ANKS1B: variants seen among roughly 807,000 people sequenced by gnomAD.
ANKS1B encodes the protein ankyrin repeat and sterile alpha motif domain-containing protein 1B.
Under a neutral mutation model 148.3 loss-of-function variants are expected in ANKS1B, and 36 were observed. The observed-to-expected ratio is 0.24, with a 90% CI of 0.19 to 0.32. ANKS1B has a LOEUF of 0.32. Ranked by LOEUF, ANKS1B falls within the 10% of genes least tolerant of loss-of-function variation. The pLI, the probability that ANKS1B is intolerant of heterozygous loss-of-function variation, is 1.00. For synonymous variants in ANKS1B, 542 were observed against 560.8 expected, an observed-to-expected ratio of 0.97 and a Z score of 0.47; for missense variants, 1,157 against 1,542.6, an observed-to-expected ratio of 0.75 and a Z score of 4.19.
At chr12:99,713,170 T>C (rs757983443) in intron 8 of ANKS1B, among the ~76,000 whole-genome samples, 7 of 152,308 alleles carry the variant, frequency 4.6e-5, no homozygotes, top group Admixed American at 1.3e-4. Context: ...CTGGCTCCTA[T>C]TGAGATCTGT....
At chr12:98,911,292 C>T (rs2099786536) in intron 17 of ANKS1B, among the ~76,000 whole-genome samples, 1 of 152,106 alleles carries the variant, frequency 6.6e-6, no homozygotes, top group African/African-American at 2.4e-5. Context: ...GATGATGAAA[C>T]TGAGCTAATT....
At chr12:98,856,644 T>C (rs1169133331) in intron 17 of ANKS1B, among the ~76,000 whole-genome samples, 1 of 152,212 alleles carries the variant, frequency 6.6e-6, no homozygotes, top group Admixed American at 6.5e-5. Context: ...TCAGTGTTTG[T>C]CTGTCTCTTC....
At chr12:98,971,850 C>G (rs2099883398) in intron 17 of ANKS1B, among the ~76,000 whole-genome samples, 1 of 152,116 alleles carries the variant, frequency 6.6e-6, no homozygotes, top group Non-Finnish European at 1.5e-5. Context: ...AGAGAGGACC[C>G]TTGCCTGGTT....
At chr12:99,651,150 C>A (rs927085838) in intron 9 of ANKS1B, among the ~76,000 whole-genome samples, 2 of 152,172 alleles carry the variant, frequency 1.3e-5, no homozygotes, top group East Asian at 1.9e-4. Flanking sequence ...TGTAAGGAAG[C>A]AGTTTACCAG....
intron 12 of ANKS1B, among the ~76,000 whole-genome samples, chr12:99,373,679 G>A (rs970478757): frequency 2.0e-5 from 3 of 151,270 alleles, no homozygotes; most frequent in African/African-American, 4.9e-5. Flanking sequence ...TTGAATACTT[G>A]TTTCATTTTT....
Position 98,744,808 on chromosome 12 carries a change from T to TAAC in ANKS1B, c.*928_*930dup, listed in dbSNP as rs2097847167. On this transcript the variant is annotated 3_prime_UTR_variant, in exon 27 of 27. Coordinates refer to ENST00000683438, the MANE Select transcript of ANKS1B (RefSeq NM_001352186.2). ...CAGGAGCACTAGATTTTTTTTTTTT[T>TAAC]AACATGTTCTTTAAAACACTGTGAA... 1 of 984,588 alleles carries TAAC rather than the reference T, an allele frequency of 1.0e-6. No individual in the cohort carries two copies. Among genetic ancestry groups the TAAC allele is most frequent in the Non-Finnish European group, 1.2e-6 (1 of 829,368 alleles). 61.0% of individuals were successfully genotyped at this position (984,588 alleles called of 1,614,324 possible). A position where few individuals can be genotyped will look rare whatever the true frequency, so the allele number is the denominator to read the frequency against.
At chr12:99,703,023 T>C (rs7967571) in intron 8 of ANKS1B, among the ~76,000 whole-genome samples, 122 of 152,212 alleles carry the variant, frequency 8.0e-4, no homozygotes, top group African/African-American at 2.9e-3. Flanking sequence ...ATTTTTGCAA[T>C]TTAGATTTCA....
At chr12:99,221,943 A>G (rs2085192778) in intron 14 of ANKS1B, among the ~76,000 whole-genome samples, 1 of 152,170 alleles carries the variant, frequency 6.6e-6, no homozygotes. Context: ...TAAATAAATT[A>G]AGGTATATTA....
intron 15 of ANKS1B, among the ~76,000 whole-genome samples, chr12:99,117,891 T>C (rs1212169047): frequency 6.6e-6 from 1 of 152,232 alleles, no homozygotes; most frequent in Non-Finnish European, 1.5e-5. Context: ...TATTGGTCTA[T>C]TCAGGGATTC....
intron 1 of ANKS1B, among the ~76,000 whole-genome samples, chr12:99,830,960 C>T (rs1419017778): frequency 6.6e-6 from 1 of 152,126 alleles, no homozygotes; most frequent in Non-Finnish European, 1.5e-5. Flanking sequence ...TCTTCGGAAA[C>T]TCTCTCCCTA....
intron 8 of ANKS1B, among the ~76,000 whole-genome samples, chr12:99,747,316 G>C (rs146874930): frequency 6.7e-4 from 102 of 152,096 alleles, no homozygotes; most frequent in South Asian, 5.8e-3. Flanking sequence ...TTGCAGAAGA[G>C]AGTGATCCCT....
intron 1 of ANKS1B, among the ~76,000 whole-genome samples, chr12:99,939,282 ATC>A (rs1277602340): frequency 1.3e-5 from 2 of 151,948 alleles, no homozygotes; most frequent in Admixed American, 1.3e-4. Flanking sequence ...TAGAGATGGG[ATC>A]TCACTGTGTT....
intron 1 of ANKS1B, among the ~76,000 whole-genome samples, chr12:99,949,134 C>T (rs1269637179): frequency 2.0e-5 from 3 of 152,026 alleles, no homozygotes; most frequent in Non-Finnish European, 4.4e-5. Flanking sequence ...AGATCATATA[C>T]CAAGTATATT....
intron 1 of ANKS1B, among the ~76,000 whole-genome samples, chr12:99,833,554 A>G (rs895072871): frequency 3.3e-5 from 5 of 152,238 alleles, no homozygotes; most frequent in African/African-American, 1.2e-4. Flanking sequence ...GAAATGCATC[A>G]ATGATGAGAT....
At chr12:98,809,510 C>A (rs1029334154) in intron 19 of ANKS1B, among the ~76,000 whole-genome samples, 1 of 152,130 alleles carries the variant, frequency 6.6e-6, no homozygotes, top group Non-Finnish European at 1.5e-5. Flanking sequence ...AATCCAGAGA[C>A]CACCTGTCAT....
At chr12:99,116,088 A>C (rs1286544816) in intron 15 of ANKS1B, among the ~76,000 whole-genome samples, 3 of 152,028 alleles carry the variant, frequency 2.0e-5, no homozygotes, top group Non-Finnish European at 2.9e-5. Flanking sequence ...AATAGTTTCT[A>C]TTGTGTAGGA....
intron 4 of ANKS1B, among the ~76,000 whole-genome samples, chr12:99,796,376 A>C (rs2066255426): frequency 6.6e-6 from 1 of 152,026 alleles, no homozygotes; most frequent in African/African-American, 2.4e-5. Context: ...AACAGCAGAA[A>C]ACTAAACATC....
intron 8 of ANKS1B, among the ~76,000 whole-genome samples, chr12:99,687,187 A>T (rs2098654426): frequency 6.6e-6 from 1 of 152,174 alleles, no homozygotes; most frequent in Non-Finnish European, 1.5e-5. Flanking sequence ...TTTATAAGAA[A>T]AAGTCTGGTT....
At chr12:99,554,672 G>T (rs1278215409) in intron 9 of ANKS1B, among the ~76,000 whole-genome samples, 1 of 152,068 alleles carries the variant, frequency 6.6e-6, no homozygotes, top group Non-Finnish European at 1.5e-5. Flanking sequence ...AGGTCACTTT[G>T]GTCCAATATT....
Sources: gnomAD v4.1 joint callset for allele counts (sites outside exome capture counted in the v4.1 genomes callset) on GRCh38, gnomAD v4.1.1 for gene constraint, MANE v1.5 for transcripts, NCBI Gene and HGNC (gene_info 2026-07-23, HGNC 2026-07-21) for gene names.